SMARCAD1: variants seen among roughly 807,000 people sequenced by gnomAD.
The protein encoded by SMARCAD1 is SNF2 related chromatin remodeling ATPase with DExD box 1, also known as SWI/SNF-related matrix-associated actin-dependent regulator of chromatin subfamily A containing DEAD/H box 1.
SMARCAD1 carries 25 observed loss-of-function variants against 127.1 expected under a neutral mutation model. The observed-to-expected ratio is 0.20, with a 90% confidence interval of 0.14 to 0.27. The LOEUF is 0.27. SMARCAD1 is among the 10% of genes least tolerant of loss of function. The pLI is 1.00. For missense variants in SMARCAD1, 807 were observed against 1,206.0 expected, an observed-to-expected ratio of 0.67 and a Z score of 4.90; for synonymous variants, 400 against 396.9, an observed-to-expected ratio of 1.01 and a Z score of -0.09.
At position 94,249,789 on chromosome 4, in the gene SMARCAD1, G is replaced by A. The variant is rs751022327; in HGVS notation, c.807+34G>A. ...TCGTGTATGAAAATTTAATCAGTGT[G>A]TACTAAGTGTTTTTATTATAAAATA... On this transcript the variant is annotated intron_variant, in intron 7 of 23. Coordinates refer to ENST00000354268, the MANE Select transcript of SMARCAD1 (RefSeq NM_020159.5). 1.4e-5 allele frequency: 16 copies of A among 1,180,430 alleles called. No individual in the cohort carries two copies. In the South Asian group the frequency reaches 1.5e-4, roughly 11 times the overall value. The allele number at this position is 1,180,430 out of a possible 1,614,324, so 73.1% of individuals were successfully genotyped here. A position where few individuals can be genotyped will look rare whatever the true frequency, so the allele number is the denominator to read the frequency against.
At chr4:94,273,042 G>A (rs1031965934) in intron 11 of SMARCAD1, among the ~76,000 whole-genome samples, 6 of 152,092 alleles carry the variant, frequency 3.9e-5, no homozygotes, top group Non-Finnish European at 7.4e-5. Flanking sequence ...CTGGGCTCAA[G>A]TGATCCACCC....
In SMARCAD1 at chr4:94,235,360, A is replaced by G. The variant is rs186932535; in HGVS notation, c.537+1238A>G. Among the ~76,000 whole-genome samples the G allele has an allele frequency of 7.4e-5, 11 of 147,764 alleles. No individual in the cohort carries two copies. The Admixed American group carries it at 7.8e-4, about 10-fold the overall frequency. On this transcript the variant is annotated intron_variant, in intron 4 of 23. Transcript: ENST00000354268. ...AAGATTCGTCGCTGTTGCAGGATGT[A>G]CTTTGTTCCTTTTAATGCTAACTAA...
intron 8 of SMARCAD1, 82 bp downstream of exon 8, chr4:94,250,915 A>C: frequency 9.2e-7 from 1 of 1,085,910 alleles, no homozygotes; most frequent in Non-Finnish European, 1.4e-6. Context: ...ATATAAGAAA[A>C]GCTATTAGCT....
At chr4:94,235,176 T>C (rs1462757440) in intron 4 of SMARCAD1, among the ~76,000 whole-genome samples, 2 of 151,256 alleles carry the variant, frequency 1.3e-5, no homozygotes, top group Non-Finnish European at 2.9e-5. Flanking sequence ...TTATATCCAT[T>C]AGCAGTCACT....
intron 5 of SMARCAD1, among the ~76,000 whole-genome samples, chr4:94,239,037 A>G (rs955372496): frequency 1.3e-5 from 2 of 152,226 alleles, no homozygotes; most frequent in Non-Finnish European, 2.9e-5. Flanking sequence ...TCAATTAAAA[A>G]AATGTTAAAT....
chr4:94,224,685 C>G (rs964929658), intron 2 of SMARCAD1, among the ~76,000 whole-genome samples: 3 of 152,088 alleles, frequency 2.0e-5, no homozygotes, highest in African/African-American at 4.8e-5. Flanking sequence ...TTTAGTGTTA[C>G]GATTTAATGG....
chr4:94,280,583 T>A lies in SMARCAD1; in HGVS notation c.2419-9T>A. The stretch of plus-strand genomic sequence containing the variant: ...TTTTGAAGTATACTGTGTTTTGTTT[T>A]GTTTTAAGGAACCTACACATTGTGA... On this transcript the variant is annotated splice_polypyrimidine_tract_variant and intron_variant, in intron 19 of 23. Coordinates refer to ENST00000354268, the MANE Select transcript of SMARCAD1 (RefSeq NM_020159.5). 1 of 1,612,112 alleles carries A rather than the reference T, an allele frequency of 6.2e-7. No homozygotes were observed. Among genetic ancestry groups the A allele is most frequent in the Non-Finnish European group, 8.5e-7 (1 of 1,178,826 alleles).
At chr4:94,288,982 T>C (rs913156240) in intron 23 of SMARCAD1, among the ~76,000 whole-genome samples, 25 of 152,186 alleles carry the variant, frequency 1.6e-4, no homozygotes, top group Non-Finnish European at 2.9e-5. Context: ...AAGTGGCTAA[T>C]TTAATCATCA....
intron 5 of SMARCAD1, among the ~76,000 whole-genome samples, chr4:94,239,032 T>A (rs1747151661): frequency 6.6e-6 from 1 of 152,152 alleles, no homozygotes; most frequent in South Asian, 2.1e-4. Flanking sequence ...TTATTTCAAT[T>A]AAAAAAATGT....
chr4:94,252,296 A>G (rs557018033), intron 8 of SMARCAD1, among the ~76,000 whole-genome samples: 1 of 152,322 alleles, frequency 6.6e-6, no homozygotes, highest in South Asian at 2.1e-4. Flanking sequence ...CAGTGTTGGC[A>G]TAGTTGAGTG....
chr4:94,213,290 C>T (rs1742578857), intron 2 of SMARCAD1: 1 of 356,360 alleles, frequency 2.8e-6, no homozygotes, highest in Admixed American at 3.8e-5. Flanking sequence ...CACAAAAAGT[C>T]ACAGAGATAT....
intron 6 of SMARCAD1, among the ~76,000 whole-genome samples, chr4:94,244,408 T>C (rs1299231383): frequency 6.6e-6 from 1 of 152,224 alleles, no homozygotes; most frequent in Admixed American, 6.5e-5. Context: ...GGAAGTAAAT[T>C]GAAGGCAGCT....
At chr4:94,218,485 G>C (rs1273149055) in intron 2 of SMARCAD1, among the ~76,000 whole-genome samples, 1 of 151,910 alleles carries the variant, frequency 6.6e-6, no homozygotes, top group Admixed American at 6.6e-5. Context: ...TGGAGACAGG[G>C]TTTCACCATG....
At chr4:94,284,419 G>A (rs1754614761) in intron 22 of SMARCAD1, among the ~76,000 whole-genome samples, 1 of 139,888 alleles carries the variant, frequency 7.1e-6, no homozygotes, top group African/African-American at 2.7e-5. Flanking sequence ...GTTTTGTTTT[G>A]TTTTTGAGAC....
At chr4:94,211,926 T>G (rs1355619062) in intron 2 of SMARCAD1, among the ~76,000 whole-genome samples, 1 of 145,222 alleles carries the variant, frequency 6.9e-6, no homozygotes, top group East Asian at 2.1e-4. Context: ...TTCTTCATAG[T>G]ATTTATCACT....
At chr4:94,236,170 A>C (rs1746621019) in intron 4 of SMARCAD1, among the ~76,000 whole-genome samples, 1 of 152,180 alleles carries the variant, frequency 6.6e-6, no homozygotes, top group Non-Finnish European at 1.5e-5. Flanking sequence ...ATTAGGAAAA[A>C]TTAGTGTGGA....
chr4:94,226,044 G>A (rs1466861883), intron 2 of SMARCAD1, 75 bp from the exon 3 acceptor site: 1 of 1,204,596 alleles, frequency 8.3e-7, no homozygotes, highest in South Asian at 1.4e-5. Flanking sequence ...TGAGATTTTA[G>A]CACATGATTA....
intron 10 of SMARCAD1, among the ~76,000 whole-genome samples, chr4:94,267,179 GAACTTGA>G (rs1751852276): frequency 6.6e-6 from 1 of 152,104 alleles, no homozygotes. Context: ...TGTTCATCCT[GAACTTGA>G]CAGCATGGTT....
rs1216272750 is a variant in SMARCAD1 at position 94,290,764 on chromosome 4, A to T, written c.*1230A>T. ...TTTCTTTGTATAACTTGTGAGTTCC[A>T]TGTGTTTTGTTTTTATTATGTAAAT... On this transcript the variant is annotated 3_prime_UTR_variant, in exon 24 of 24. Coordinates refer to ENST00000354268, the MANE Select transcript of SMARCAD1 (RefSeq NM_020159.5). 1 of 428,050 alleles carries T rather than the reference A, an allele frequency of 2.3e-6. No individual in the cohort carries two copies. Among genetic ancestry groups the T allele is most frequent in the African/African-American group, 2.1e-5 (1 of 48,576 alleles). The allele number at this position is 428,050 out of a possible 1,614,324, so 26.5% of individuals were successfully genotyped here.
Sources: gnomAD v4.1 joint callset for allele counts (sites outside exome capture counted in the v4.1 genomes callset) on GRCh38, gnomAD v4.1.1 for gene constraint, MANE v1.5 for transcripts, NCBI Gene and HGNC (gene_info 2026-07-23, HGNC 2026-07-21) for gene names.